Variants in DNAH7 observed in about 807,000 individuals in gnomAD.
The protein encoded by DNAH7 is axonemal beta dynein heavy chain 7.
DNAH7 carries 397 observed loss-of-function variants against 444.6 expected under a neutral mutation model. The observed-to-expected ratio is 0.89, with a 90% confidence interval of 0.82 to 0.97. The LOEUF (loss-of-function observed/expected upper bound fraction) is 0.97, where lower values mean the gene tolerates loss of function less well. DNAH7 is among the 50% of genes least tolerant of loss of function. The probability of loss-of-function intolerance (pLI) is 0.00; values close to 1 mark genes in which losing one functional copy is unlikely to be tolerated. For missense variants in DNAH7, 4,902 were observed against 4,800.8 expected, an observed-to-expected ratio of 1.02 and a Z score of -0.62; for synonymous variants, 1,636 against 1,624.4, an observed-to-expected ratio of 1.01 and a Z score of -0.17.
intron 21 of DNAH7, among the ~76,000 whole-genome samples, chr2:195,929,371 C>A (rs1406772484): frequency 6.6e-6 from 1 of 152,120 alleles, no homozygotes; most frequent in African/African-American, 2.4e-5. Flanking sequence ...CTGGAAAAAA[C>A]CATTCTAAAA....
At chr2:196,061,473 T>G (rs1698130704) in intron 1 of DNAH7, among the ~76,000 whole-genome samples, 1 of 152,110 alleles carries the variant, frequency 6.6e-6, no homozygotes, top group South Asian at 2.1e-4. Context: ...TACCAGAACT[T>G]CCCCATATTT....
At chr2:195,822,443 T>C (rs1697515909) in intron 49 of DNAH7, among the ~76,000 whole-genome samples, 1 of 152,210 alleles carries the variant, frequency 6.6e-6, no homozygotes, top group Non-Finnish European at 1.5e-5. Flanking sequence ...TATTTTCATT[T>C]AGACTCAAAA....
At chr2:195,992,091 T>C (rs1259486984) in intron 12 of DNAH7, among the ~76,000 whole-genome samples, 2 of 152,128 alleles carry the variant, frequency 1.3e-5, no homozygotes, top group East Asian at 3.9e-4. Context: ...AAAAATCAGC[T>C]TTGTGCAGCT....
intron 54 of DNAH7, among the ~76,000 whole-genome samples, chr2:195,799,885 A>G (rs1696363648): frequency 6.6e-6 from 1 of 152,228 alleles, no homozygotes; most frequent in Non-Finnish European, 1.5e-5. Flanking sequence ...CACTGTGGAA[A>G]AGAAGAAGGA....
intron 59 of DNAH7, 117 bp from the exon 60 acceptor site, chr2:195,776,100 C>T: frequency 7.8e-7 from 1 of 1,275,826 alleles, no homozygotes; most frequent in Non-Finnish European, 1.1e-6. Context: ...GCCTGTGACA[C>T]TGGACATTGA....
chr2:196,017,383 A>C (rs529073970), intron 9 of DNAH7, among the ~76,000 whole-genome samples: 1 of 152,330 alleles, frequency 6.6e-6, no homozygotes, highest in South Asian at 2.1e-4. Flanking sequence ...ATAAATTCCA[A>C]TCAGAACACG....
At chr2:195,987,388 G>A (rs1047596371) in intron 13 of DNAH7, among the ~76,000 whole-genome samples, 195 bp from the exon 14 acceptor site, 25 of 151,982 alleles carry the variant, frequency 1.6e-4, no homozygotes, top group African/African-American at 5.8e-4. Flanking sequence ...AAATATCCTT[G>A]AAAAGTTTAT....
At position 195,987,898 on chromosome 2, in the gene DNAH7, A is replaced by G; in HGVS notation, c.1626+59T>C. 4.8e-6 allele frequency: 7 copies of G among 1,458,670 alleles called. No homozygotes were observed. In the South Asian group the frequency reaches 7.0e-5, roughly 14 times the overall value. The allele number at this position is 1,458,670 out of a possible 1,614,324, so 90.4% of individuals were successfully genotyped here. On this transcript the variant is annotated intron_variant, in intron 13 of 64. Transcript: ENST00000312428. ...CTGTGTTCTAAAAATACATCCTAAT[A>G]AAACTGGGGAAAAGATACCAGATAG...
chr2:195,936,600 T>C lies in DNAH7; in HGVS notation c.3271A>G (p.Arg1091Gly), dbSNP rs1574822373. 2 of 1,578,680 alleles carry C rather than the reference T, an allele frequency of 1.3e-6. No individual in the cohort carries two copies. Among genetic ancestry groups the C allele is most frequent in the East Asian group, 4.5e-5 (2 of 44,028 alleles). ...GTATTCTACATGTAAATTACTTACCTAGTGGGATCTTTAGTCTCAGATAGT... is the reference window on the plus strand; with the variant it reads ...GTATTCTACATGTAAATTACTTACCCAGTGGGATCTTTAGTCTCAGATAGT... ...EILSETKDPT[R>G]VQPHLKKCFE... Residue 1091 changes from arginine to glycine, a missense_variant and splice_region_variant, in exon 20 of 65, where the codon AGG (arginine) becomes GGG (glycine). By Grantham distance (125) the Arg-to-Gly change is moderately radical. Coordinates refer to ENST00000312428, the MANE Select transcript of DNAH7 (RefSeq NM_018897.3).
intron 12 of DNAH7, chr2:195,998,752 G>C (rs116486017): frequency 5.3e-6 from 1 of 189,920 alleles, no homozygotes; most frequent in Non-Finnish European, 1.1e-5. Flanking sequence ...AAAGTAAGCA[G>C]TATGTTTCTT....
intron 27 of DNAH7, among the ~76,000 whole-genome samples, 185 bp downstream of exon 27, chr2:195,906,474 T>A (rs1354149434): frequency 7.0e-6 from 1 of 142,370 alleles, no homozygotes; most frequent in African/African-American, 2.8e-5. Flanking sequence ...TTTTTTTTTT[T>A]TAAGAGACAA....
chr2:196,022,954 G>T (rs1038947931), intron 8 of DNAH7, among the ~76,000 whole-genome samples: 1 of 152,174 alleles, frequency 6.6e-6, no homozygotes, highest in African/African-American at 2.4e-5. Flanking sequence ...GGTATATTGT[G>T]TGATGCTGAG....
intron 9 of DNAH7, among the ~76,000 whole-genome samples, chr2:196,018,079 T>C (rs1413119226): frequency 6.6e-6 from 1 of 152,126 alleles, no homozygotes; most frequent in Non-Finnish European, 1.5e-5. Context: ...TCTGTTATTC[T>C]AAGAGGTTAT....
rs1574987883 is a variant in DNAH7, at chr2:196,000,625, C to G, written c.1353+79G>C. The G allele has an allele frequency of 3.7e-5, 44 of 1,193,122 alleles. No homozygotes were observed. The South Asian group carries it at 1.0e-3, about 28-fold the overall frequency. The allele number at this position is 1,193,122 out of a possible 1,614,324, so 73.9% of individuals were successfully genotyped here. On this transcript the variant is annotated intron_variant, in intron 12 of 64. Transcript: ENST00000312428. Reference sequence around the variant, plus strand: ...TTATATTCTGTGAAGCAGAGGATACCTGCCTTCAACTTTCAGAAGTTACTT... The same window carrying G: ...TTATATTCTGTGAAGCAGAGGATACGTGCCTTCAACTTTCAGAAGTTACTT...
chr2:195,999,338 T>C (rs1041854367), intron 12 of DNAH7: 3 of 647,756 alleles, frequency 4.6e-6, no homozygotes, highest in Non-Finnish European at 8.4e-6. Flanking sequence ...ACAACCAGTA[T>C]TGTCTTTGAA....
At chr2:195,782,247 G>A (rs1695424966) in intron 58 of DNAH7, among the ~76,000 whole-genome samples, 1 of 152,074 alleles carries the variant, frequency 6.6e-6, no homozygotes, top group African/African-American at 2.4e-5. Context: ...AAGAAGGAGT[G>A]CATTAGACTT....
intron 58 of DNAH7, among the ~76,000 whole-genome samples, chr2:195,780,572 A>C (rs1450266376): frequency 2.6e-5 from 4 of 151,990 alleles, no homozygotes; most frequent in Non-Finnish European, 4.4e-5. Context: ...AACATGGTGA[A>C]ACCCCATCTC....
At chr2:195,917,688 C>T (rs1687772770) in intron 24 of DNAH7, among the ~76,000 whole-genome samples, 1 of 152,222 alleles carries the variant, frequency 6.6e-6, no homozygotes, top group African/African-American at 2.4e-5. Context: ...TTCAGACCTA[C>T]ATGGCTTTGC....
At chr2:195,791,903 A>C (rs1695893422) in intron 57 of DNAH7, among the ~76,000 whole-genome samples, 1 of 152,224 alleles carries the variant, frequency 6.6e-6, no homozygotes, top group African/African-American at 2.4e-5. Flanking sequence ...GCAGTGGCTC[A>C]TGCCTGTAAT....
Sources: gnomAD v4.1 joint callset for allele counts (sites outside exome capture counted in the v4.1 genomes callset) on GRCh38, gnomAD v4.1.1 for gene constraint, MANE v1.5 for transcripts, NCBI Gene and HGNC (gene_info 2026-07-23, HGNC 2026-07-21) for gene names.